Variants in KCNMA1 observed in about 807,000 individuals in gnomAD.
The protein encoded by KCNMA1 is potassium calcium-activated channel subfamily M alpha 1.
In KCNMA1, 29 loss-of-function variants were observed where a neutral mutation model predicts 140.0. The observed-to-expected ratio is 0.21, with a 90% CI of 0.15 to 0.28. The LOEUF (loss-of-function observed/expected upper bound fraction) is 0.28, where lower values mean the gene tolerates loss of function less well. Among genes scored for constraint, KCNMA1 ranks in the 10% least tolerant of loss-of-function variants. KCNMA1 has a pLI of 1.00. For missense variants in KCNMA1, 880 were observed against 1,602.2 expected (o/e 0.55, Z 7.70); for synonymous variants, 612 against 611.9 (o/e 1.00, Z 0.00).
intron 5 of KCNMA1, among the ~76,000 whole-genome samples, chr10:77,124,852 C>T (rs757179763): frequency 3.3e-5 from 5 of 152,230 alleles, no homozygotes; most frequent in African/African-American, 7.2e-5. Flanking sequence ...AAGACATACC[C>T]GAGACTGGGT....
intron 1 of KCNMA1, among the ~76,000 whole-genome samples, chr10:77,632,797 G>A (rs1346923330): frequency 6.6e-6 from 1 of 152,210 alleles, no homozygotes; most frequent in Non-Finnish European, 1.5e-5. Flanking sequence ...CCACTTACAA[G>A]AGGCCTGCTA....
intron 1 of KCNMA1, among the ~76,000 whole-genome samples, chr10:77,573,642 G>GAATA (rs2072753971): frequency 3.1e-5 from 2 of 65,222 alleles, no homozygotes; most frequent in South Asian, 4.7e-4. Context: ...GGAATGGAAT[G>GAATA]GAATAGAATA....
chr10:77,025,559 G>C, intron 16 of KCNMA1: 4 of 944,668 alleles, frequency 4.2e-6, no homozygotes, highest in Non-Finnish European at 6.6e-6. Flanking sequence ...CAAATCACTT[G>C]AAGGATGCAT....
chr10:76,876,925 C>T (rs1046189377), downstream of KCNMA1: 1 of 152,468 alleles, frequency 6.6e-6, no homozygotes. Context: ...ACCACTAGAA[C>T]AGCAAACAGA....
chr10:77,403,486 G>T (rs1033721809), intron 2 of KCNMA1, among the ~76,000 whole-genome samples: 1 of 152,088 alleles, frequency 6.6e-6, no homozygotes, highest in Non-Finnish European at 1.5e-5. Flanking sequence ...CACTCACTCA[G>T]CACTCCCCAG....
chr10:77,520,848 G>A (rs559015097), intron 1 of KCNMA1, among the ~76,000 whole-genome samples: 25 of 152,270 alleles, frequency 1.6e-4, no homozygotes, highest in Admixed American at 7.8e-4. Context: ...AGGGAAAGGC[G>A]TGAACAAGAG....
intron 5 of KCNMA1, among the ~76,000 whole-genome samples, chr10:77,158,583 C>T (rs2098517597): frequency 6.6e-6 from 1 of 152,144 alleles, no homozygotes; most frequent in African/African-American, 2.4e-5. Context: ...CCTCTCCCCT[C>T]TCTAGCTCCA....
At chr10:77,540,441 T>C (rs1232048030) in intron 1 of KCNMA1, among the ~76,000 whole-genome samples, 2 of 152,236 alleles carry the variant, frequency 1.3e-5, no homozygotes, top group African/African-American at 4.8e-5. Context: ...CTATAATTTG[T>C]TCATATAACT....
chr10:77,462,959 C>T (rs1418634237), intron 1 of KCNMA1, among the ~76,000 whole-genome samples: 2 of 152,132 alleles, frequency 1.3e-5, no homozygotes, highest in Non-Finnish European at 2.9e-5. Flanking sequence ...GTGGGAGAAA[C>T]CTCGATGAAA....
chr10:76,975,229 A>G (rs966030079), intron 19 of KCNMA1: 1 of 152,196 alleles, frequency 6.6e-6, no homozygotes, highest in African/African-American at 2.4e-5. Context: ...GTAATTCACC[A>G]TGAACAAAAC....
intron 19 of KCNMA1, among the ~76,000 whole-genome samples, chr10:76,989,809 G>GAA (rs567883554): frequency 1.9e-3 from 277 of 146,366 alleles, no homozygotes; most frequent in East Asian, 3.1e-3. Flanking sequence ...TCAGTCATTT[G>GAA]AAAAAAAAAA....
At chr10:76,890,910 C>T (rs1044974496) in intron 26 of KCNMA1, among the ~76,000 whole-genome samples, 1 of 152,214 alleles carries the variant, frequency 6.6e-6, no homozygotes, top group Non-Finnish European at 1.5e-5. Flanking sequence ...ATTAAAGGAT[C>T]CACATAAGAT....
At chr10:77,216,543 A>T (rs1336145861) in intron 3 of KCNMA1, among the ~76,000 whole-genome samples, 1 of 152,200 alleles carries the variant, frequency 6.6e-6, no homozygotes, top group Non-Finnish European at 1.5e-5. Context: ...TTTACCAATT[A>T]TAGCCATAAG....
chr10:77,562,130 C>T (rs1212216366), intron 1 of KCNMA1, among the ~76,000 whole-genome samples: 1 of 152,196 alleles, frequency 6.6e-6, no homozygotes, highest in Non-Finnish European at 1.5e-5. Flanking sequence ...TGTTTCTTCC[C>T]TATCTGTGCT....
At chr10:76,892,196 G>A (rs966461744) in intron 25 of KCNMA1, among the ~76,000 whole-genome samples, 9 of 152,110 alleles carry the variant, frequency 5.9e-5, no homozygotes, top group African/African-American at 4.8e-5. Context: ...AATGCCACAC[G>A]CTTAACGATT....
At chr10:77,636,180 A>G (rs973673296) in intron 1 of KCNMA1, 40 of 1,419,648 alleles carry the variant, frequency 2.8e-5, no homozygotes, top group Middle Eastern at 2.6e-4. Flanking sequence ...CTCAGAAAGA[A>G]GGCAGCTGGC....
At chr10:77,524,337 A>G (rs2054723377) in intron 1 of KCNMA1, among the ~76,000 whole-genome samples, 1 of 152,192 alleles carries the variant, frequency 6.6e-6, no homozygotes, top group Admixed American at 6.5e-5. Context: ...AATAAAACAG[A>G]CACAGAAAAC....
In KCNMA1 at chr10:77,637,652, C is replaced by T. The variant is rs1272740115; in HGVS notation, c.-10G>A. 2 of 1,501,452 alleles carry T rather than the reference C, an allele frequency of 1.3e-6. No individual in the cohort carries two copies. The highest frequency in any genetic ancestry group is 8.8e-7 in the Non-Finnish European group (1 of 1,132,026). The allele number at this position is 1,501,452 out of a possible 1,614,324, so 93.0% of individuals were successfully genotyped here. On this transcript the variant is annotated 5_prime_UTR_variant, in exon 1 of 28. Transcript: ENST00000286628. ...CGCCACCATTTGCCATAGCTAGCAA[C>T]GGGCAGCCGGCGCAGGGGCTCGGGG... is the stretch of plus-strand genomic sequence containing the variant.
At chr10:77,181,917 T>C (rs1403890465) in intron 5 of KCNMA1, among the ~76,000 whole-genome samples, 4 of 150,930 alleles carry the variant, frequency 2.7e-5, no homozygotes, top group African/African-American at 9.7e-5. Flanking sequence ...GACACATACA[T>C]ATATATATAT....
Sources: allele counts gnomAD v4.1 joint callset (sites outside exome capture counted in the v4.1 genomes callset), GRCh38; gene constraint gnomAD v4.1.1; transcripts MANE v1.5; gene names NCBI Gene and HGNC (gene_info 2026-07-23, HGNC 2026-07-21).